Variants in STAT4 observed in about 807,000 individuals in gnomAD.
STAT4 encodes signal transducer and activator of transcription 4.
In STAT4, 42 loss-of-function variants were observed where a neutral mutation model predicts 110.5. The ratio of observed to expected loss-of-function variants is 0.38; its 90% CI spans 0.30 to 0.49. STAT4 has a LOEUF of 0.49. Ranked by LOEUF, STAT4 falls within the 20% of genes least tolerant of loss-of-function variation. The pLI is 0.95. For synonymous variants in STAT4, 284 were observed against 302.2 expected, an observed-to-expected ratio of 0.94 and a Z score of 0.63; for missense variants, 632 against 887.9, an observed-to-expected ratio of 0.71 and a Z score of 3.66.
intron 3 of STAT4, among the ~76,000 whole-genome samples, chr2:191,130,385 C>G (rs1438782256): frequency 6.8e-6 from 1 of 148,068 alleles, no homozygotes; most frequent in Non-Finnish European, 1.5e-5. Flanking sequence ...ACCACGCCAG[C>G]TAATTTTTTG....
At position 191,032,760 on chromosome 2, in the gene STAT4, T is replaced by C. The variant is rs1296212919; in HGVS notation, c.2044+198A>G. On this transcript the variant is annotated intron_variant, in intron 21 of 23. Transcript: ENST00000392320. This position sits in a 1 kb window ranked among gnomAD's most constrained non-coding sequence, Gnocchi z 4.9. ...GTTACAGCTGCTTATTACTCGCTAG[T>C]GTTAGAAAGCCCAGCGGTCCCTTTT... The C allele has an allele frequency of 1.6e-5, 9 of 570,208 alleles. No individual in the cohort carries two copies. The Admixed American group carries it at 3.1e-4, about 19-fold the overall frequency. The allele number at this position is 570,208 out of a possible 1,614,324, so 35.3% of individuals were successfully genotyped here.
At chr2:191,088,803 G>C (rs111530282) in intron 3 of STAT4, among the ~76,000 whole-genome samples, 1 of 152,100 alleles carries the variant, frequency 6.6e-6, no homozygotes, top group South Asian at 2.1e-4. Context: ...TTTGACAAAA[G>C]GGCAAATGCG....
intron 14 of STAT4, among the ~76,000 whole-genome samples, chr2:191,047,219 G>A (rs746675106): frequency 6.6e-6 from 1 of 152,132 alleles, no homozygotes; most frequent in Non-Finnish European, 1.5e-5. Flanking sequence ...GCCTTGCCCT[G>A]TGCATCTCTT....
At chr2:191,065,059 A>G (rs1161269715) in intron 7 of STAT4, 101 bp from the exon 8 acceptor site, 53 of 1,283,956 alleles carry the variant, frequency 4.1e-5, no homozygotes, top group Non-Finnish European at 5.4e-5. Flanking sequence ...GGCTTGGTTA[A>G]AATTTTGACC....
At chr2:191,054,630 T>A in intron 13 of STAT4, 96 bp from the exon 14 acceptor site, 1 of 1,043,138 alleles carries the variant, frequency 9.6e-7, no homozygotes, top group South Asian at 1.4e-5. Flanking sequence ...TTGGCCACAG[T>A]TTTGACTTCT....
intron 3 of STAT4, among the ~76,000 whole-genome samples, chr2:191,134,938 TAGAAATAAACAC>T (rs1559082691): frequency 6.6e-6 from 1 of 151,580 alleles, no homozygotes; most frequent in Non-Finnish European, 1.5e-5. Context: ...GGGAGGTTCA[TAGAAATAAACAC>T]CTACATAAAA....
chr2:191,114,725 T>C (rs1698527193), intron 3 of STAT4, among the ~76,000 whole-genome samples: 1 of 152,232 alleles, frequency 6.6e-6, no homozygotes, highest in African/African-American at 2.4e-5. Context: ...ATAGGGCTAC[T>C]GCTGTAGATC....
At chr2:191,124,827 A>T (rs572441294) in intron 3 of STAT4, among the ~76,000 whole-genome samples, 3 of 152,206 alleles carry the variant, frequency 2.0e-5, no homozygotes, top group African/African-American at 4.8e-5. Flanking sequence ...AGTCCAGAAC[A>T]TATTCTTCAT....
At chr2:191,095,164 G>T (rs1697933248) in intron 3 of STAT4, among the ~76,000 whole-genome samples, 2 of 151,052 alleles carry the variant, frequency 1.3e-5, no homozygotes, top group Admixed American at 1.3e-4. Context: ...TATTTTTAAA[G>T]TTGGAGACTT....
At chr2:191,125,962 A>C (rs1017731090) in intron 3 of STAT4, among the ~76,000 whole-genome samples, 3 of 152,290 alleles carry the variant, frequency 2.0e-5, no homozygotes, top group Admixed American at 6.5e-5. Context: ...ATTAAAATGG[A>C]TACATTTGAA....
intron 3 of STAT4, among the ~76,000 whole-genome samples, chr2:191,101,689 ATT>A (rs966537417): frequency 6.6e-6 from 1 of 151,214 alleles, no homozygotes; most frequent in East Asian, 1.9e-4. Context: ...ACTACTGGTC[ATT>A]TTTTTTTGTA....
In STAT4 at chr2:191,099,701, A is replaced by T. The variant is rs1432431516; in HGVS notation, c.274-23376T>A. On this transcript the variant is annotated intron_variant, in intron 3 of 23. Coordinates refer to ENST00000392320, the MANE Select transcript of STAT4 (RefSeq NM_003151.4). The surrounding 1 kb of genome is among the most constrained non-coding windows in gnomAD (Gnocchi z 4.1). ...TTTCCATTTTTATTTAATTAGGTAAACATAGATACACATATGGAAAGGTTC... is the reference window on the plus strand; with the variant it reads ...TTTCCATTTTTATTTAATTAGGTAATCATAGATACACATATGGAAAGGTTC... Among the ~76,000 whole-genome samples the T allele has an allele frequency of 1.3e-5, 2 of 152,142 alleles. No homozygotes were observed. The highest frequency in any genetic ancestry group is 4.8e-5 in the African/African-American group (2 of 41,446).
chr2:191,080,836 T>C (rs917753637), intron 3 of STAT4, among the ~76,000 whole-genome samples: 5 of 152,164 alleles, frequency 3.3e-5, no homozygotes, highest in African/African-American at 4.8e-5. Context: ...TAATAATACC[T>C]TTGAAAAAGT....
chr2:191,088,437 T>A (rs1697699875), intron 3 of STAT4, among the ~76,000 whole-genome samples: 1 of 152,152 alleles, frequency 6.6e-6, no homozygotes, highest in African/African-American at 2.4e-5. Flanking sequence ...GAAAAGATAT[T>A]TCATATTCAC....
rs768193274 is a variant in STAT4 at position 191,083,843 on chromosome 2, G to T, written c.274-7518C>A. Among the ~76,000 whole-genome samples, 1 of 151,906 alleles carries T rather than the reference G, an allele frequency of 6.6e-6. No homozygotes were observed. Among genetic ancestry groups the T allele is most frequent in the Non-Finnish European group, 1.5e-5 (1 of 68,010 alleles). On this transcript the variant is annotated intron_variant, in intron 3 of 23. Transcript: ENST00000392320. The surrounding 1 kb of genome is among the most constrained non-coding windows in gnomAD (Gnocchi z 4.6). Reference sequence around the variant, plus strand: ...ATAAGCCCAAATGCCTTTCAAGTTCGCATGATTTTAGTAATCTTTGATGAA... The same window carrying T: ...ATAAGCCCAAATGCCTTTCAAGTTCTCATGATTTTAGTAATCTTTGATGAA...
In STAT4 at chr2:191,112,792, G is replaced by T. The variant is rs1383260417; in HGVS notation, c.273+33821C>A. On this transcript the variant is annotated intron_variant, in intron 3 of 23. Transcript: ENST00000392320. This position sits in a 1 kb window ranked among gnomAD's most constrained non-coding sequence, Gnocchi z 4.3. ...CAGAACAATGACGCTCTGTCTTCAA[G>T]TCTAGAGCTCTTTGGACAAACTACA... Among the ~76,000 whole-genome samples the T allele has an allele frequency of 6.6e-6, 1 of 152,218 alleles. No individual in the cohort carries two copies. Among genetic ancestry groups the T allele is most frequent in the African/African-American group, 2.4e-5 (1 of 41,456 alleles).
upstream of STAT4, chr2:191,151,524 T>C: frequency 1.0e-6 from 1 of 985,600 alleles, no homozygotes; most frequent in African/African-American, 1.7e-5. This position sits in a 1 kb window ranked among gnomAD's most constrained non-coding sequence, Gnocchi z 4.7. Context: ...TTGGGCCAAG[T>C]CCTGGGTAGG....
chr2:191,122,011 C>T (rs890846152), intron 3 of STAT4: 37 of 152,100 alleles, frequency 2.4e-4, no homozygotes, highest in African/African-American at 8.9e-4. Context: ...TAGCATGGCC[C>T]CTGATCAAGA....
chr2:191,092,902 C>A (rs895356364), intron 3 of STAT4, among the ~76,000 whole-genome samples: 1 of 152,236 alleles, frequency 6.6e-6, no homozygotes, highest in Non-Finnish European at 1.5e-5. Flanking sequence ...ATATCCCACA[C>A]GTGGCTCGGT....
Sources: gnomAD v4.1 joint callset for allele counts (sites outside exome capture counted in the v4.1 genomes callset) on GRCh38, gnomAD v4.1.1 for gene constraint, Gnocchi (gnomAD v3.1) non-coding constraint, MANE v1.5 for transcripts, NCBI Gene and HGNC (gene_info 2026-07-23, HGNC 2026-07-21) for gene names.